The following ZNF761 variants were observed in gnomAD, a reference collection of about 807,000 sequenced individuals.
ZNF761 encodes zinc finger protein 761.
A neutral mutation model predicts 59.9 loss-of-function variants in ZNF761; 43 were observed. The ratio of observed to expected loss-of-function variants is 0.72; its 90% CI spans 0.56 to 0.92. ZNF761 has a LOEUF of 0.92. Among genes scored for constraint, ZNF761 ranks in the 40% least tolerant of loss-of-function variants. The probability of loss-of-function intolerance (pLI) is 0.00; values close to 1 mark genes in which losing one functional copy is unlikely to be tolerated. For missense variants in ZNF761, 850 were observed against 906.1 expected, an observed-to-expected ratio of 0.94 and a Z score of 0.79; for synonymous variants, 294 against 304.8, an observed-to-expected ratio of 0.96 and a Z score of 0.37.
chr19:53,452,150 A>C (rs2086227425), intron 4 of ZNF761, among the ~76,000 whole-genome samples: 1 of 152,006 alleles, frequency 6.6e-6, no homozygotes, highest in Admixed American at 6.6e-5. Context: ...GGAGTTTGAG[A>C]CCAGTCTGGC....
chr19:53,457,308 C>T lies in ZNF761; in HGVS notation c.*560C>T, dbSNP rs1277074295. 20 of 389,048 alleles carry T rather than the reference C, an allele frequency of 5.1e-5. No individual in the cohort carries two copies. The highest frequency in any genetic ancestry group is 1.4e-4 in the East Asian group (2 of 14,386). The allele number at this position is 389,048 out of a possible 1,614,324, so 24.1% of individuals were successfully genotyped here. On this transcript the variant is annotated 3_prime_UTR_variant, in exon 5 of 5. Transcript: ENST00000684525. ...CCTTGCAGTTCATCGGTGAACTCAA[C>T]GCTGGAGAGAAACCTTACAAATGTC...
chr19:53,457,668 G>T lies in ZNF761; in HGVS notation c.*920G>T. The T allele has an allele frequency of 4.2e-6, 1 of 237,632 alleles. No individual in the cohort carries two copies. 14.7% of individuals were successfully genotyped at this position (237,632 alleles called of 1,614,324 possible). On this transcript the variant is annotated 3_prime_UTR_variant, in exon 5 of 5. Transcript: ENST00000684525. ...TGTATTGACTTAACATTGAGTTCAA[G>T]CATTAATTGACATTAGTGTTTATGT...
At chr19:53,454,090 CAG>C (rs1245494895) in intron 4 of ZNF761, among the ~76,000 whole-genome samples, 4 of 152,130 alleles carry the variant, frequency 2.6e-5, no homozygotes, top group African/African-American at 9.6e-5. Context: ...TCTTGTGCCT[CAG>C]CCTCCCGAGT....
At chr19:53,454,316 TA>T (rs2086244766) in intron 4 of ZNF761, among the ~76,000 whole-genome samples, 1 of 152,228 alleles carries the variant, frequency 6.6e-6, no homozygotes, top group African/African-American at 2.4e-5. Flanking sequence ...GAAGAATATA[TA>T]CTTTTCATTG....
intron 4 of ZNF761, among the ~76,000 whole-genome samples, chr19:53,452,122 G>A (rs1450722271): frequency 6.6e-6 from 1 of 152,060 alleles, no homozygotes; most frequent in Non-Finnish European, 1.5e-5. Flanking sequence ...GCCAAGGTGG[G>A]CTGATCACTT....
At position 53,449,679 on chromosome 19, in the gene ZNF761, T is replaced by C. The variant is rs1357523717; in HGVS notation, c.142+41T>C. The C allele has an allele frequency of 3.0e-5, 48 of 1,591,088 alleles. 1 individual carries two copies. In the East Asian group the frequency reaches 6.5e-4, roughly 21 times the overall value. ...CTCCAGAAGTGGGAATGTGCCCTTG[T>C]GTATCTTTGTATTTTCTCTTGTTTT... On this transcript the variant is annotated intron_variant, in intron 4 of 4. Transcript: ENST00000684525.
intron 1 of ZNF761, among the ~76,000 whole-genome samples, chr19:53,435,440 G>A (rs2086030509): frequency 6.6e-6 from 1 of 151,652 alleles, no homozygotes; most frequent in South Asian, 2.1e-4. Flanking sequence ...GAAAGGCTGT[G>A]ATTACAGGCA....
chr19:53,442,244 G>C (rs1256924805), intron 1 of ZNF761: 5 of 1,258,694 alleles, frequency 4.0e-6, no homozygotes, highest in Non-Finnish European at 5.8e-6. Flanking sequence ...AGTATGAAGA[G>C]GTGGCTCGTA....
rs1227256429 is a variant in ZNF761, at chr19:53,447,137, T to A, written c.-73-59T>A. On this transcript the variant is annotated intron_variant, in intron 2 of 4. Transcript: ENST00000684525. ...GAGGTCGCCTTTGTATGTGTGGTTG[T>A]GTTCCACGGAGGTGGCGTGTTGATT... The A allele has an allele frequency of 6.8e-6, 8 of 1,171,038 alleles. No homozygotes were observed. The East Asian group carries it at 1.9e-4, about 28-fold the overall frequency. 72.5% of individuals were successfully genotyped at this position (1,171,038 alleles called of 1,614,324 possible). A position where few individuals can be genotyped will look rare whatever the true frequency, so the allele number is the denominator to read the frequency against.
intron 2 of ZNF761, among the ~76,000 whole-genome samples, chr19:53,446,832 A>G (rs2086165297): frequency 6.6e-6 from 1 of 152,148 alleles, no homozygotes; most frequent in Admixed American, 6.5e-5. Context: ...GGGTTTCACC[A>G]TGTTTCACCA....
chr19:53,445,479 G>A (rs2086146984), intron 1 of ZNF761, among the ~76,000 whole-genome samples: 1 of 110,504 alleles, frequency 9.0e-6, no homozygotes, highest in East Asian at 2.5e-4. Context: ...AGGGTAACTT[G>A]GTGAAAATTT....
intron 1 of ZNF761, among the ~76,000 whole-genome samples, chr19:53,445,667 G>T (rs1053391751): frequency 6.6e-6 from 1 of 152,024 alleles, no homozygotes; most frequent in Non-Finnish European, 1.5e-5. Context: ...TAAATGGGAT[G>T]CAGTACCCCA....
chr19:53,454,974 C>G lies in ZNF761; in HGVS notation c.467C>G (p.Thr156Ser), dbSNP rs531744761. The change falls in exon 5 of 5, where the codon ACC (threonine) becomes AGC (serine). Residue 156 changes from threonine to serine, a missense_variant. Transcript: ENST00000684525. The part of the protein sequence containing the change: ...SHLPEMHIFQ[T>S]EEKIDNQVVK... Reference sequence around the variant, plus strand: ...CTGCCTGAAATGCACATATTTCAGACCGAAGAGAAAATTGATAATCAAGTT... The same window carrying G: ...CTGCCTGAAATGCACATATTTCAGAGCGAAGAGAAAATTGATAATCAAGTT... 5 of 1,614,076 alleles carry G rather than the reference C, an allele frequency of 3.1e-6. No homozygotes were observed. Among genetic ancestry groups the G allele is most frequent in the Non-Finnish European group, 4.2e-6 (5 of 1,180,022 alleles).
Position 53,456,339 on chromosome 19 carries a change from G to A in ZNF761, c.1832G>A (p.Cys611Tyr), listed in dbSNP as rs200379651. Residue 611 changes from cysteine to tyrosine, a missense_variant, in exon 5 of 5, where the codon TGT becomes TAT. By Grantham distance (194) the Cys-to-Tyr change is radical. Transcript: ENST00000684525. ...GAGAATCCTTACAAGTGTAATGAGTGTGGCAAGACCTTCAGTCGGACGTCA... is the reference window on the plus strand; with the variant it reads ...GAGAATCCTTACAAGTGTAATGAGTATGGCAAGACCTTCAGTCGGACGTCA... ...TEENPYKCNE[C>Y]GKTFSRTSSL... is the part of the protein sequence containing the mutation. 1.2e-4 allele frequency: 193 copies of A among 1,611,472 alleles called. No individual in the cohort carries two copies. The highest frequency in any genetic ancestry group is 1.8e-4 in the Admixed American group (11 of 59,824).
At chr19:53,434,215 A>C (rs2086010451) in intron 1 of ZNF761, among the ~76,000 whole-genome samples, 1 of 152,184 alleles carries the variant, frequency 6.6e-6, no homozygotes, top group Admixed American at 6.5e-5. Context: ...GTACTGAATT[A>C]GTCTTTCAGG....
intron 1 of ZNF761, among the ~76,000 whole-genome samples, chr19:53,434,162 A>G (rs918931861): frequency 1.2e-4 from 19 of 152,166 alleles, no homozygotes; most frequent in African/African-American, 4.3e-4. Context: ...ATTGGGGTGC[A>G]ATACCTTCGT....
rs747022735 is a variant in ZNF761 at position 53,451,749 on chromosome 19, A to AT, written c.142+2133dup. 5.8e-3 allele frequency among the ~76,000 whole-genome samples: 745 copies of AT among 128,434 alleles called. 11 individuals are homozygous for AT. The highest frequency in any genetic ancestry group is 0.043 in the South Asian group (165 of 3,868). 84.3% of individuals were successfully genotyped at this position (128,434 alleles called of 152,430 possible). On this transcript the variant is annotated intron_variant, in intron 4 of 4. Coordinates refer to ENST00000684525, the MANE Select transcript of ZNF761 (RefSeq NM_001289951.2). The stretch of plus-strand genomic sequence containing the variant: ...AGGCACATGCCACCACACCCGGCTA[A>AT]TTTTTTTTTTTTTTTTTTTTTTAGA...
chr19:53,441,342 A>G (rs2086097258), intron 1 of ZNF761, among the ~76,000 whole-genome samples: 3 of 152,290 alleles, frequency 2.0e-5, no homozygotes, highest in African/African-American at 7.2e-5. Context: ...TTTTGTTTTC[A>G]TGTGTAATAG....
In ZNF761 at chr19:53,457,036, C is replaced by T. The variant is rs1600101925; in HGVS notation, c.*288C>T. The T allele has an allele frequency of 1.7e-6, 1 of 587,654 alleles. No individual in the cohort carries two copies. The highest frequency in any genetic ancestry group is 3.1e-6 in the Non-Finnish European group (1 of 326,838). The allele number at this position is 587,654 out of a possible 1,614,324, so 36.4% of individuals were successfully genotyped here. Reference sequence around the variant, plus strand: ...GCTTTTGGGCATGATTCGCACCTGGCACAACATGCTAGAATTCACACTGGA... The same window carrying T: ...GCTTTTGGGCATGATTCGCACCTGGTACAACATGCTAGAATTCACACTGGA... On this transcript the variant is annotated 3_prime_UTR_variant, in exon 5 of 5. Transcript: ENST00000684525.
Sources: allele counts gnomAD v4.1 joint callset (sites outside exome capture counted in the v4.1 genomes callset), GRCh38; gene constraint gnomAD v4.1.1; transcripts MANE v1.5; gene names NCBI Gene and HGNC (gene_info 2026-07-23, HGNC 2026-07-21).